Variants in KCNH8 observed in about 807,000 individuals in gnomAD.
The protein encoded by KCNH8 is potassium voltage-gated channel subfamily H member 8.
In KCNH8, 70 loss-of-function variants were observed where a neutral mutation model predicts 103.6. The observed-to-expected ratio is 0.68, with a 90% CI of 0.56 to 0.82. KCNH8 has a LOEUF of 0.82. Ranked by LOEUF, KCNH8 falls within the 40% of genes least tolerant of loss-of-function variation. KCNH8 has a pLI of 0.00. For missense variants in KCNH8, 1,217 were observed against 1,329.9 expected, an observed-to-expected ratio of 0.92 and a Z score of 1.32; for synonymous variants, 498 against 489.4, an observed-to-expected ratio of 1.02 and a Z score of -0.23.
At chr3:19,287,107 CAA>C (rs201704391) in intron 3 of KCNH8, among the ~76,000 whole-genome samples, 3 of 126,464 alleles carry the variant, frequency 2.4e-5, no homozygotes, top group African/African-American at 5.8e-5. Context: ...GATGGTAATG[CAA>C]AAAAAAAAAG....
chr3:19,451,536 A>C, intron 10 of KCNH8, 132 bp downstream of exon 10: 1 of 781,312 alleles, frequency 1.3e-6, no homozygotes, highest in Non-Finnish European at 2.1e-6. Context: ...AGTATTCCTC[A>C]TATGAGTTTA....
chr3:19,206,279 A>G (rs1352388471), intron 1 of KCNH8, among the ~76,000 whole-genome samples: 2 of 131,220 alleles, frequency 1.5e-5, no homozygotes, highest in Non-Finnish European at 3.0e-5. Flanking sequence ...ATCTATATAC[A>G]TCACAGTTTC....
chr3:19,214,632 G>T (rs75042004), intron 1 of KCNH8, among the ~76,000 whole-genome samples: 6 of 152,138 alleles, frequency 3.9e-5, no homozygotes, highest in Admixed American at 3.3e-4. Flanking sequence ...TCTCAATCCT[G>T]CTTCCCTTAT....
Position 19,253,807 on chromosome 3 carries a change from A to G in KCNH8, c.230A>G (p.Glu77Gly), listed in dbSNP as rs778085313. Reference sequence around the variant, plus strand: ...TTCTTATTTGGGGTTGAAACCAATGAGCAACTGATGCTTCAAATAGAAAAG... The same window carrying G: ...TTCTTATTTGGGGTTGAAACCAATGGGCAACTGATGCTTCAAATAGAAAAG... ...CKFLFGVETN[E>G]QLMLQIEKSL... The change falls in exon 2 of 16, where the codon GAG (glutamate) becomes GGG (glycine). Residue 77 changes from glutamate (E) to glycine (G), a missense_variant. Transcript: ENST00000328405. 6.2e-7 allele frequency: 1 copy of G among 1,613,940 alleles called. No homozygotes were observed. Among genetic ancestry groups the G allele is most frequent in the Non-Finnish European group, 8.5e-7 (1 of 1,179,908 alleles).
chr3:19,373,165 G>T (rs1360729884), intron 5 of KCNH8, among the ~76,000 whole-genome samples: 2 of 152,066 alleles, frequency 1.3e-5, no homozygotes, highest in East Asian at 1.9e-4. Flanking sequence ...TCTGTTGATT[G>T]GAATAGTTTC....
intron 3 of KCNH8, among the ~76,000 whole-genome samples, chr3:19,321,048 A>G (rs2065343533): frequency 6.6e-6 from 1 of 151,728 alleles, no homozygotes; most frequent in Non-Finnish European, 1.5e-5. Context: ...TTTTGTTTCT[A>G]ATTGAGCTTA....
At chr3:19,273,514 T>C (rs1297815650) in intron 2 of KCNH8, among the ~76,000 whole-genome samples, 3 of 152,174 alleles carry the variant, frequency 2.0e-5, no homozygotes, top group Admixed American at 2.0e-4. Flanking sequence ...TCTTTGCTAT[T>C]TTCAGTCTTA....
intron 14 of KCNH8, among the ~76,000 whole-genome samples, chr3:19,517,082 G>A (rs2068887157): frequency 6.6e-6 from 1 of 151,908 alleles, no homozygotes; most frequent in Non-Finnish European, 1.5e-5. Flanking sequence ...AAAATGCTGG[G>A]ATTACAAGCA....
chr3:19,523,337 A>T (rs1016544617), intron 15 of KCNH8, among the ~76,000 whole-genome samples: 6 of 151,980 alleles, frequency 3.9e-5, no homozygotes, highest in African/African-American at 1.4e-4. Flanking sequence ...TAAAAGTTAG[A>T]TTTCAAATTT....
intron 1 of KCNH8, among the ~76,000 whole-genome samples, chr3:19,225,002 A>T (rs1482202751): frequency 6.6e-6 from 1 of 152,112 alleles, no homozygotes; most frequent in Non-Finnish European, 1.5e-5. Context: ...AACCGTGATG[A>T]AGACTGAGAA....
At chr3:19,483,526 C>T (rs1037914109) in intron 11 of KCNH8, among the ~76,000 whole-genome samples, 1 of 152,136 alleles carries the variant, frequency 6.6e-6, no homozygotes, top group Non-Finnish European at 1.5e-5. Context: ...AATTTTCATG[C>T]TTCCTATGGC....
chr3:19,351,395 G>A (rs549171047), intron 5 of KCNH8, among the ~76,000 whole-genome samples: 2 of 151,958 alleles, frequency 1.3e-5, no homozygotes, highest in South Asian at 2.1e-4. Context: ...TGCCACAGAC[G>A]TACACCTCAA....
intron 11 of KCNH8, among the ~76,000 whole-genome samples, chr3:19,463,658 T>C (rs2067679187): frequency 6.6e-6 from 1 of 152,162 alleles, no homozygotes; most frequent in Admixed American, 6.5e-5. Context: ...AATATAGTCT[T>C]GTGTATCCAT....
At chr3:19,516,285 T>G (rs2125244816) in intron 14 of KCNH8, among the ~76,000 whole-genome samples, 1 of 152,230 alleles carries the variant, frequency 6.6e-6, no homozygotes, top group Middle Eastern at 3.4e-3. Flanking sequence ...AATATACAGT[T>G]CTGGAGATGT....
chr3:19,253,672 C>A lies in KCNH8; in HGVS notation c.95C>A (p.Ala32Asp). The A allele has an allele frequency of 6.2e-7, 1 of 1,613,194 alleles. No homozygotes were observed. Among genetic ancestry groups the A allele is most frequent in the Non-Finnish European group, 8.5e-7 (1 of 1,179,518 alleles). The change falls in exon 2 of 16, where the codon GCC (alanine) becomes GAC (aspartate). Residue 32 changes from alanine (A) to aspartate (D), a missense_variant. Physicochemically the swap from Ala to Asp is moderately radical, Grantham distance 126 (BLOSUM62 -2). Transcript: ENST00000328405. ...TCTATAGATAGCAACTTCATCCTTGCCAATGCCCAGGTGGCTAAGGGTTTC... is the reference window on the plus strand; with the variant it reads ...TCTATAGATAGCAACTTCATCCTTGACAATGCCCAGGTGGCTAAGGGTTTC... ...FDGTHSNFIL[A>D]NAQVAKGFPI...
chr3:19,535,313 G>C lies in KCNH8; in HGVS notation c.*1214G>C, dbSNP rs1033534048. 2 of 151,998 alleles carry C rather than the reference G, an allele frequency of 1.3e-5. No homozygotes were observed. Among genetic ancestry groups the C allele is most frequent in the African/African-American group, 2.4e-5 (1 of 41,392 alleles). 9.4% of individuals were successfully genotyped at this position (151,998 alleles called of 1,614,324 possible). A position where few individuals can be genotyped will look rare whatever the true frequency, so the allele number is the denominator to read the frequency against. ...CAGCACTTTACCTTTTTTCTTTAAG[G>C]CTCCCAACAATGCTATACAGCGCAG... On this transcript the variant is annotated 3_prime_UTR_variant, in exon 16 of 16. Coordinates refer to ENST00000328405, the MANE Select transcript of KCNH8 (RefSeq NM_144633.3).
chr3:19,377,806 C>A (rs530296915), intron 5 of KCNH8, among the ~76,000 whole-genome samples: 1 of 152,236 alleles, frequency 6.6e-6, no homozygotes, highest in South Asian at 2.1e-4. Flanking sequence ...ATTTTCAAGA[C>A]CAACCATCAA....
Position 19,253,761 on chromosome 3 carries a change from C to A in KCNH8, c.184C>A (p.Gln62Lys). ...LAGFARTEVMQKSCSCKFLFG... is the reference protein window; with the variant it reads ...LAGFARTEVMKKSCSCKFLFG... Reference sequence around the variant, plus strand: ...TGGATTTGCCCGAACTGAAGTCATGCAGAAGAGTTGTAGCTGCAAGTTCTT... The same window carrying A: ...TGGATTTGCCCGAACTGAAGTCATGAAGAAGAGTTGTAGCTGCAAGTTCTT... The change falls in exon 2 of 16, where the codon CAG becomes AAG. Residue 62 changes from glutamine (Q) to lysine (K), a missense_variant. This residue lies in a region of KCNH8 where 244 missense variants were observed against 256.8 expected (regional missense o/e 0.95). Coordinates refer to ENST00000328405, the MANE Select transcript of KCNH8 (RefSeq NM_144633.3). The A allele has an allele frequency of 6.2e-7, 1 of 1,613,836 alleles. No individual in the cohort carries two copies. The highest frequency in any genetic ancestry group is 8.5e-7 in the Non-Finnish European group (1 of 1,179,900).
chr3:19,198,228 C>G lies in KCNH8; in HGVS notation c.76+49433C>G, dbSNP rs1189208353. Among the ~76,000 whole-genome samples, 4 of 152,042 alleles carry G rather than the reference C, an allele frequency of 2.6e-5. 1 individual carries two copies. In the East Asian group the frequency reaches 7.7e-4, roughly 29 times the overall value. On this transcript the variant is annotated intron_variant, in intron 1 of 15. Coordinates refer to ENST00000328405, the MANE Select transcript of KCNH8 (RefSeq NM_144633.3). ...AAATTAATAAATGAATAAAGAGGGGCAGTCCATTGCTGAACTTTATGTATA... is the reference window on the plus strand; with the variant it reads ...AAATTAATAAATGAATAAAGAGGGGGAGTCCATTGCTGAACTTTATGTATA...
Sources: gnomAD v4.1 joint callset for allele counts (sites outside exome capture counted in the v4.1 genomes callset) on GRCh38, gnomAD v4.1.1 for gene constraint, gnomAD v4.1.1 regional missense constraint, MANE v1.5 for transcripts, NCBI Gene and HGNC (gene_info 2026-07-23, HGNC 2026-07-21) for gene names.